Variants in CALCOCO2 observed in about 807,000 individuals in gnomAD.
The protein encoded by CALCOCO2 is calcium-binding and coiled-coil domain-containing protein 2.
A neutral mutation model predicts 62.5 loss-of-function variants in CALCOCO2; 42 were observed. That is an observed-to-expected ratio of 0.67 (90% CI 0.53 to 0.87). The LOEUF is 0.87. Among genes scored for constraint, CALCOCO2 ranks in the 40% least tolerant of loss-of-function variants. The pLI, the probability that CALCOCO2 is intolerant of heterozygous loss-of-function variation, is 0.00. For missense variants in CALCOCO2, 456 were observed against 515.0 expected, an observed-to-expected ratio of 0.89 and a Z score of 1.11; for synonymous variants, 167 against 173.0, an observed-to-expected ratio of 0.97 and a Z score of 0.27.
chr17:48,841,340 G>A (rs1221706564), intron 1 of CALCOCO2, among the ~76,000 whole-genome samples: 7 of 152,150 alleles, frequency 4.6e-5, no homozygotes. Flanking sequence ...TTGTTGGGAT[G>A]AAAAATCTAG....
At chr17:48,852,814 T>A in intron 8 of CALCOCO2, 112 bp from the exon 9 acceptor site, 1 of 989,058 alleles carries the variant, frequency 1.0e-6, no homozygotes, top group Non-Finnish European at 1.6e-6. Flanking sequence ...GAGAGAAGAC[T>A]TGCCTCTCCC....
intron 1 of CALCOCO2, among the ~76,000 whole-genome samples, chr17:48,836,487 A>G (rs2039891907): frequency 6.6e-6 from 1 of 152,194 alleles, no homozygotes; most frequent in South Asian, 2.1e-4. Flanking sequence ...TTTTTGATGA[A>G]TGATGTGCAT....
chr17:48,835,633 GC>G (rs760382695), intron 1 of CALCOCO2, among the ~76,000 whole-genome samples: 1 of 152,176 alleles, frequency 6.6e-6, no homozygotes, highest in Non-Finnish European at 1.5e-5. Context: ...ATACACTCAA[GC>G]CTCAGAACAT....
At chr17:48,860,237 G>A (rs1006769107) in intron 10 of CALCOCO2, 77 bp from the exon 11 acceptor site, 7 of 1,133,976 alleles carry the variant, frequency 6.2e-6, no homozygotes, top group Non-Finnish European at 9.1e-6. Context: ...CTACCTGGGA[G>A]GGGCATCTCC....
At chr17:48,835,161 C>T (rs1030576597) in intron 1 of CALCOCO2, among the ~76,000 whole-genome samples, 1 of 152,176 alleles carries the variant, frequency 6.6e-6, no homozygotes, top group Non-Finnish European at 1.5e-5. Context: ...GCCCATTTCT[C>T]CCAGGAATTT....
intron 2 of CALCOCO2, among the ~76,000 whole-genome samples, chr17:48,844,745 T>G (rs1472467546): frequency 6.6e-6 from 1 of 152,098 alleles, no homozygotes; most frequent in Non-Finnish European, 1.5e-5. Flanking sequence ...CTGGAACTTC[T>G]GACCTCAGAT....
rs1486032977 is a variant in CALCOCO2, at chr17:48,863,931, C to A, written c.*926C>A. 1 of 152,044 alleles carries A rather than the reference C, an allele frequency of 6.6e-6. No individual in the cohort carries two copies. Among genetic ancestry groups the A allele is most frequent in the Admixed American group, 6.6e-5 (1 of 15,256 alleles). The allele number at this position is 152,044 out of a possible 1,614,324, so 9.4% of individuals were successfully genotyped here. ...GTGATCAAAAGGGCTATGGGAAGGG[C>A]AGACCCCGCCAATGATTTCTCTTCA... On this transcript the variant is annotated 3_prime_UTR_variant, in exon 13 of 13. Coordinates refer to ENST00000258947, the MANE Select transcript of CALCOCO2 (RefSeq NM_005831.5).
chr17:48,858,035 A>G (rs527555928), intron 10 of CALCOCO2, among the ~76,000 whole-genome samples: 37 of 13,828 alleles, frequency 2.7e-3, no homozygotes, highest in Non-Finnish European at 5.6e-3. Flanking sequence ...AATAGAATAG[A>G]ATAGAATAGA....
intron 10 of CALCOCO2, chr17:48,856,458 C>T: frequency 1.3e-5 from 6 of 470,624 alleles, no homozygotes; most frequent in African/African-American, 4.0e-5. Flanking sequence ...TTGCTTTTAA[C>T]TTCACAGCTA....
chr17:48,832,817 C>G (rs2039834690), intron 1 of CALCOCO2, among the ~76,000 whole-genome samples: 1 of 152,180 alleles, frequency 6.6e-6, no homozygotes, highest in Admixed American at 6.5e-5. Flanking sequence ...TTCAGAGTTT[C>G]CAGTTGCCCG....
At chr17:48,860,506 C>T in intron 11 of CALCOCO2, 57 bp downstream of exon 11, 2 of 1,564,886 alleles carry the variant, frequency 1.3e-6, no homozygotes, top group Non-Finnish European at 1.7e-6. Context: ...CTTTCCCCTA[C>T]TAAATTTTTG....
chr17:48,832,164 G>C (rs1404511362), intron 1 of CALCOCO2, among the ~76,000 whole-genome samples: 1 of 152,204 alleles, frequency 6.6e-6, no homozygotes, highest in African/African-American at 2.4e-5. Flanking sequence ...AGGCCCAGGC[G>C]GGCAGAATCA....
chr17:48,860,633 A>G (rs900857843), intron 11 of CALCOCO2, among the ~76,000 whole-genome samples, 184 bp downstream of exon 11: 2 of 152,266 alleles, frequency 1.3e-5, no homozygotes, highest in Admixed American at 1.3e-4. Flanking sequence ...ATCTGAATCC[A>G]GAAGACACAA....
chr17:48,835,149 G>A (rs1353975428), intron 1 of CALCOCO2, among the ~76,000 whole-genome samples: 2 of 152,108 alleles, frequency 1.3e-5, no homozygotes, highest in Non-Finnish European at 2.9e-5. Flanking sequence ...GCCATTGTTG[G>A]AGCCCATTTC....
chr17:48,849,123 C>A, intron 4 of CALCOCO2, 129 bp from the exon 5 acceptor site: 1 of 791,664 alleles, frequency 1.3e-6, no homozygotes, highest in Non-Finnish European at 2.1e-6. Flanking sequence ...TATTAAGGAG[C>A]AGCCCCCATC....
At chr17:48,847,397 C>A (rs1199383579) in intron 2 of CALCOCO2, among the ~76,000 whole-genome samples, 1 of 152,130 alleles carries the variant, frequency 6.6e-6, no homozygotes, top group Non-Finnish European at 1.5e-5. Flanking sequence ...ATTCCCGCAA[C>A]TTTCCCCTTA....
At chr17:48,854,857 C>CT (rs1443513922) in intron 9 of CALCOCO2, among the ~76,000 whole-genome samples, 2 of 152,112 alleles carry the variant, frequency 1.3e-5, no homozygotes, top group African/African-American at 4.8e-5. Flanking sequence ...GAAAGCGGCA[C>CT]TAACTGTGGA....
At chr17:48,854,106 A>G (rs1455042035) in intron 9 of CALCOCO2, among the ~76,000 whole-genome samples, 2 of 151,626 alleles carry the variant, frequency 1.3e-5, no homozygotes, top group African/African-American at 2.4e-5. Flanking sequence ...ACCTGAGGTC[A>G]GGAGTTCGAG....
At chr17:48,836,788 G>A (rs752816053) in intron 1 of CALCOCO2, among the ~76,000 whole-genome samples, 29 of 144,766 alleles carry the variant, frequency 2.0e-4, no homozygotes, top group Non-Finnish European at 2.9e-4. Flanking sequence ...TGGAGATAGA[G>A]TTTTGCTCTT....
Sources: allele counts gnomAD v4.1 joint callset (sites outside exome capture counted in the v4.1 genomes callset), GRCh38; gene constraint gnomAD v4.1.1; transcripts MANE v1.5; gene names NCBI Gene and HGNC (gene_info 2026-07-23, HGNC 2026-07-21).